Variants in ANXA3 observed in about 807,000 individuals in gnomAD.
ANXA3 encodes annexin A3.
In ANXA3, 46 loss-of-function variants were observed where a neutral mutation model predicts 48.8. The observed-to-expected ratio is 0.94, with a 90% confidence interval of 0.74 to 1.21. ANXA3 has a LOEUF of 1.21. Ranked by LOEUF, ANXA3 falls within the 50% of genes most tolerant of loss-of-function variation. The probability of loss-of-function intolerance (pLI) is 0.00; values close to 1 mark genes in which losing one functional copy is unlikely to be tolerated. For missense variants in ANXA3, 383 were observed against 378.6 expected, an observed-to-expected ratio of 1.01 and a Z score of -0.10; for synonymous variants, 128 against 134.7, an observed-to-expected ratio of 0.95 and a Z score of 0.35.
chr4:78,609,042 A>G (rs1170518785), intron 12 of ANXA3, among the ~76,000 whole-genome samples: 3 of 152,230 alleles, frequency 2.0e-5, no homozygotes, highest in Middle Eastern at 3.2e-3. Context: ...ACTAAAATCT[A>G]TATAAAAACG....
rs771323930 is a variant in ANXA3, at chr4:78,601,527, A to G, written c.748A>G (p.Thr250Ala). ...LLAIVNCVRNTPAFLAERLHR... is the reference protein window; with the variant it reads ...LLAIVNCVRNAPAFLAERLHR... ...TGTTACAGTTAATTGTGTGAGGAAC[A>G]CGCCGGCCTTTTTAGCCGAAAGACT... Residue 250 changes from threonine (T) to alanine (A), a missense_variant, in exon 11 of 13, where the codon ACG becomes GCG. Transcript: ENST00000264908. 6.2e-7 allele frequency: 1 copy of G among 1,614,006 alleles called. No homozygotes were observed. Among genetic ancestry groups the G allele is most frequent in the East Asian group, 2.2e-5 (1 of 44,872 alleles).
chr4:78,594,918 G>A (rs1359187346), intron 7 of ANXA3, among the ~76,000 whole-genome samples: 1 of 152,164 alleles, frequency 6.6e-6, no homozygotes, highest in Non-Finnish European at 1.5e-5. Flanking sequence ...AGGACAGCTT[G>A]AGGCCAGGAG....
At chr4:78,590,399 C>T (rs986536948) in intron 6 of ANXA3, among the ~76,000 whole-genome samples, 17 of 152,132 alleles carry the variant, frequency 1.1e-4, no homozygotes, top group African/African-American at 2.7e-4. Flanking sequence ...TCCATCTCAG[C>T]GCAGTTCTTG....
intron 12 of ANXA3, among the ~76,000 whole-genome samples, chr4:78,609,275 T>C (rs1723709833): frequency 6.6e-6 from 1 of 152,188 alleles, no homozygotes; most frequent in African/African-American, 2.4e-5. Context: ...AAGAGCTCAC[T>C]GGTTGGGTTA....
At position 78,595,897 on chromosome 4, in the gene ANXA3, C is replaced by G. The variant is rs1010813253; in HGVS notation, c.634+10C>G. On this transcript the variant is annotated intron_variant, in intron 9 of 12. Transcript: ENST00000264908. ...CCTCAATTAAAACTAAGTACAAACT[C>G]ACATTACAATCCTTTGTGTTGTATG... 4 of 1,510,930 alleles carry G rather than the reference C, an allele frequency of 2.6e-6. No homozygotes were observed. The highest frequency in any genetic ancestry group is 3.4e-5 in the Admixed American group (2 of 59,698). The allele number at this position is 1,510,930 out of a possible 1,614,324, so 93.6% of individuals were successfully genotyped here. A position where few individuals can be genotyped will look rare whatever the true frequency, so the allele number is the denominator to read the frequency against.
intron 12 of ANXA3, among the ~76,000 whole-genome samples, 172 bp from the exon 13 acceptor site, chr4:78,609,884 G>A (rs12639656): frequency 0.51 from 77,980 of 152,030 alleles, 21,692 homozygotes; most frequent in East Asian, 0.65. Flanking sequence ...TGGTCAGAAC[G>A]TAATTACACT....
At chr4:78,573,150 C>A in intron 2 of ANXA3, 30 bp from the exon 3 acceptor site, 14 of 1,490,630 alleles carry the variant, frequency 9.4e-6, no homozygotes, top group Non-Finnish European at 1.2e-5. Context: ...TCATTTTGAA[C>A]CAATGGGACT....
chr4:78,592,242 A>C (rs982771031), intron 7 of ANXA3, among the ~76,000 whole-genome samples: 2 of 152,200 alleles, frequency 1.3e-5, no homozygotes, highest in African/African-American at 4.8e-5. Flanking sequence ...GTCAAGGATG[A>C]GGTGTATTCA....
chr4:78,584,163 T>A (rs17003364), intron 5 of ANXA3, among the ~76,000 whole-genome samples: 1,621 of 152,328 alleles, frequency 0.011, 27 homozygotes, highest in African/African-American at 0.037. Context: ...CACTTATTAC[T>A]GTCTAAAAGT....
chr4:78,595,332 G>A, intron 7 of ANXA3, 49 bp from the exon 8 acceptor site: 1 of 1,599,234 alleles, frequency 6.3e-7, no homozygotes, highest in Non-Finnish European at 8.6e-7. Flanking sequence ...CTATGTGTTA[G>A]AATCTTCTAT....
intron 4 of ANXA3, among the ~76,000 whole-genome samples, chr4:78,581,950 C>T (rs913650174): frequency 6.6e-6 from 1 of 152,160 alleles, no homozygotes; most frequent in African/African-American, 2.4e-5. Flanking sequence ...TCATGGAATC[C>T]TCCCATTTGG....
In ANXA3 at chr4:78,595,810, G is replaced by A; in HGVS notation, c.557G>A (p.Gly186Asp). ...KQDAQILYKAGENRWGTDEDK... is the reference protein window; with the variant it reads ...KQDAQILYKADENRWGTDEDK... ...TGTGAATAGATTCTCTATAAAGCTG[G>A]TGAGAACAGATGGGGCACGGATGAA... The change falls in exon 9 of 13, where the codon GGT (glycine) becomes GAT (aspartate). Residue 186 changes from glycine to aspartate, a missense_variant. Coordinates refer to ENST00000264908, the MANE Select transcript of ANXA3 (RefSeq NM_005139.3). 6.2e-7 allele frequency: 1 copy of A among 1,608,368 alleles called. No individual in the cohort carries two copies. The highest frequency in any genetic ancestry group is 8.5e-7 in the Non-Finnish European group (1 of 1,174,920).
intron 2 of ANXA3, among the ~76,000 whole-genome samples, chr4:78,564,133 A>T (rs1471005067): frequency 6.6e-6 from 1 of 152,224 alleles, no homozygotes; most frequent in African/African-American, 2.4e-5. Flanking sequence ...TCATGTTAAT[A>T]AAGTCTCTGG....
chr4:78,581,949 C>G (rs1256696561), intron 4 of ANXA3, among the ~76,000 whole-genome samples: 1 of 152,166 alleles, frequency 6.6e-6, no homozygotes, highest in Admixed American at 6.5e-5. Context: ...CTCATGGAAT[C>G]CTCCCATTTG....
At chr4:78,590,920 ACTT>A (rs943026742) in intron 6 of ANXA3, among the ~76,000 whole-genome samples, 5 of 152,040 alleles carry the variant, frequency 3.3e-5, no homozygotes, top group African/African-American at 7.2e-5. Flanking sequence ...AGGAACTCAG[ACTT>A]CTTCTTGATT....
chr4:78,590,025 A>T (rs1723257203), intron 6 of ANXA3, among the ~76,000 whole-genome samples: 1 of 152,212 alleles, frequency 6.6e-6, no homozygotes, highest in Admixed American at 6.5e-5. Flanking sequence ...GTAGTTGTCA[A>T]CTTAGGTTGA....
chr4:78,582,537 G>A (rs889196914), intron 5 of ANXA3: 15 of 415,266 alleles, frequency 3.6e-5, no homozygotes, highest in African/African-American at 8.0e-5. Flanking sequence ...ATTTGTCATC[G>A]TTGAAAGTAA....
rs78330503 is a variant in ANXA3 at position 78,592,230 on chromosome 4, A to G, written c.483+607A>G. On this transcript the variant is annotated intron_variant, in intron 7 of 12. Coordinates refer to ENST00000264908, the MANE Select transcript of ANXA3 (RefSeq NM_005139.3). ...TATGACTTTTATTATAAAGATGGTA[A>G]GGTCAAGGATGAGGTGTATTCACAG... Among the ~76,000 whole-genome samples, 986 of 152,320 alleles carry G rather than the reference A, an allele frequency of 6.5e-3. 12 individuals carry two copies. The highest frequency in any genetic ancestry group is 0.023 in the African/African-American group (952 of 41,568).
At chr4:78,603,834 T>C (rs532072751) in intron 11 of ANXA3, 2 of 152,514 alleles carry the variant, frequency 1.3e-5, no homozygotes, top group Non-Finnish European at 2.9e-5. Context: ...ATTTCCTCTA[T>C]AGGAAGTTTC....
Sources: allele counts gnomAD v4.1 joint callset (sites outside exome capture counted in the v4.1 genomes callset), GRCh38; gene constraint gnomAD v4.1.1; transcripts MANE v1.5; gene names NCBI Gene and HGNC (gene_info 2026-07-23, HGNC 2026-07-21).